The following NUP93 variants were observed in gnomAD, a reference collection of about 807,000 sequenced individuals.
NUP93 encodes nucleoporin 93, also known as nuclear pore complex protein Nup93.
A neutral mutation model predicts 107.8 loss-of-function variants in NUP93; 55 were observed. That is an observed-to-expected ratio of 0.51 (90% CI 0.41 to 0.64). The LOEUF (loss-of-function observed/expected upper bound fraction) is 0.64. Among genes scored for constraint, NUP93 ranks in the 30% least tolerant of loss-of-function variants. The pLI, the probability that NUP93 is intolerant of heterozygous loss-of-function variation, is 0.00. For synonymous variants in NUP93, 390 were observed against 397.5 expected (o/e 0.98, Z 0.22); for missense variants, 937 against 1,044.7 (o/e 0.90, Z 1.42).
intron 4 of NUP93, among the ~76,000 whole-genome samples, chr16:56,801,288 T>G (rs1241913653): frequency 1.3e-5 from 2 of 152,212 alleles, no homozygotes; most frequent in Non-Finnish European, 2.9e-5. Flanking sequence ...CAGAATAGAT[T>G]GGAATGGGAC....
intron 19 of NUP93, chr16:56,839,276 C>A: frequency 4.1e-6 from 1 of 243,664 alleles, no homozygotes. Flanking sequence ...TTCCTTTCCC[C>A]TTTAATCTGA....
chr16:56,783,387 T>C (rs1962555480), intron 3 of NUP93: 1 of 740,972 alleles, frequency 1.3e-6, no homozygotes, highest in Admixed American at 6.3e-5. Context: ...AGAATTCGGC[T>C]CCTCTTGGCA....
intron 3 of NUP93, among the ~76,000 whole-genome samples, chr16:56,789,068 C>T (rs1298960603): frequency 6.6e-6 from 1 of 151,978 alleles, no homozygotes; most frequent in Non-Finnish European, 1.5e-5. Context: ...GTAGGGTCTG[C>T]AAAAGGCATT....
At chr16:56,770,141 ACAGAAT>A (rs1488458857) in intron 3 of NUP93, among the ~76,000 whole-genome samples, 4 of 152,216 alleles carry the variant, frequency 2.6e-5, no homozygotes, top group African/African-American at 9.7e-5. Flanking sequence ...AACTAACATA[ACAGAAT>A]CAGGAAGAGA....
intron 3 of NUP93, among the ~76,000 whole-genome samples, chr16:56,782,899 T>C (rs1962544961): frequency 2.0e-5 from 3 of 152,196 alleles, no homozygotes; most frequent in Admixed American, 6.5e-5. Context: ...TTTTTATTTC[T>C]TAAATTCAGT....
chr16:56,805,136 C>T (rs1963107479), intron 4 of NUP93, among the ~76,000 whole-genome samples: 1 of 152,088 alleles, frequency 6.6e-6, no homozygotes, highest in Non-Finnish European at 1.5e-5. Flanking sequence ...CAGCTCACTG[C>T]AGCCTCGACT....
At chr16:56,784,671 G>T (rs964084636) in intron 3 of NUP93, among the ~76,000 whole-genome samples, 7 of 152,306 alleles carry the variant, frequency 4.6e-5, no homozygotes, top group Admixed American at 2.0e-4. Context: ...AATTTATAGT[G>T]CATGTATTTT....
At chr16:56,841,625 A>C (rs1964026502) in intron 20 of NUP93, 80 bp from the exon 21 acceptor site, 1 of 1,553,790 alleles carries the variant, frequency 6.4e-7, no homozygotes, top group African/African-American at 1.4e-5. Flanking sequence ...GCCTGCCTGG[A>C]GCAGCCCACC....
chr16:56,834,634 C>T, intron 15 of NUP93, 100 bp from the exon 16 acceptor site: 3 of 1,136,276 alleles, frequency 2.6e-6, no homozygotes, highest in Non-Finnish European at 3.9e-6. Flanking sequence ...AAGACTTATC[C>T]CATTCATCCC....
chr16:56,818,615 A>G (rs1238144367), intron 5 of NUP93, 49 bp from the exon 6 acceptor site: 5 of 1,396,268 alleles, frequency 3.6e-6, no homozygotes, highest in East Asian at 2.3e-5. Flanking sequence ...ATTTCTTCAC[A>G]TGACTGAATA....
At chr16:56,772,550 C>T (rs1304980564) in intron 3 of NUP93, among the ~76,000 whole-genome samples, 1 of 152,196 alleles carries the variant, frequency 6.6e-6, no homozygotes, top group African/African-American at 2.4e-5. Context: ...TACCTGTTTT[C>T]TATGGAATGA....
chr16:56,768,965 G>A (rs1962271238), intron 3 of NUP93, among the ~76,000 whole-genome samples: 1 of 152,026 alleles, frequency 6.6e-6, no homozygotes, highest in Admixed American at 6.5e-5. Context: ...CGTGTGCTAA[G>A]CACTTCCTAG....
At chr16:56,841,329 A>T (rs1297163440) in intron 20 of NUP93, among the ~76,000 whole-genome samples, 5 of 151,530 alleles carry the variant, frequency 3.3e-5, no homozygotes, top group African/African-American at 4.9e-5. Context: ...GGGACTGTGG[A>T]GAAGTAGCGT....
At position 56,847,943 on chromosome 16, in the gene NUP93, T is replaced by G. The variant is rs1468098734; in HGVS notation, c.*3334T>G. 1 of 152,222 alleles carries G rather than the reference T, an allele frequency of 6.6e-6. No homozygotes were observed. Among genetic ancestry groups the G allele is most frequent in the African/African-American group, 2.4e-5 (1 of 41,460 alleles). 9.4% of individuals were successfully genotyped at this position (152,222 alleles called of 1,614,324 possible). On this transcript the variant is annotated 3_prime_UTR_variant, in exon 22 of 22. Coordinates refer to ENST00000308159, the MANE Select transcript of NUP93 (RefSeq NM_014669.5). Reference sequence around the variant, plus strand: ...CAAAGAACTACAGACTTTTCCGCAGTGTCCAGCATTTGCTGACCAAAAAAA... The same window carrying G: ...CAAAGAACTACAGACTTTTCCGCAGGGTCCAGCATTTGCTGACCAAAAAAA...
At chr16:56,748,182 T>G in intron 1 of NUP93, 52 bp from the exon 2 acceptor site, 1 of 1,327,012 alleles carries the variant, frequency 7.5e-7, no homozygotes, top group Non-Finnish European at 1.0e-6. Flanking sequence ...AGGCAGTGTT[T>G]GAAACCTGTC....
intron 5 of NUP93, among the ~76,000 whole-genome samples, chr16:56,815,534 G>A (rs976878288): frequency 6.6e-6 from 1 of 152,128 alleles, no homozygotes; most frequent in South Asian, 2.1e-4. Flanking sequence ...TATTTCTGAG[G>A]TGTCCATATC....
chr16:56,771,541 A>G (rs1259334170), intron 3 of NUP93, among the ~76,000 whole-genome samples: 4 of 152,078 alleles, frequency 2.6e-5, no homozygotes, highest in African/African-American at 9.7e-5. Context: ...TCCTCTGACC[A>G]TTTCTTACCT....
chr16:56,835,794 T>C (rs1963896850), intron 16 of NUP93, among the ~76,000 whole-genome samples: 1 of 152,182 alleles, frequency 6.6e-6, no homozygotes, highest in South Asian at 2.1e-4. Flanking sequence ...CCTGACCATT[T>C]AGTTGCTGTT....
chr16:56,741,355 C>T (rs1399774863), intron 1 of NUP93, among the ~76,000 whole-genome samples: 1 of 152,054 alleles, frequency 6.6e-6, no homozygotes. Flanking sequence ...ATCAACAACT[C>T]CTTGAAGTAG....
Sources: gnomAD v4.1 joint callset for allele counts (sites outside exome capture counted in the v4.1 genomes callset) on GRCh38, gnomAD v4.1.1 for gene constraint, MANE v1.5 for transcripts, NCBI Gene and HGNC (gene_info 2026-07-23, HGNC 2026-07-21) for gene names.